The following KLHL4 variants were observed in gnomAD, a reference collection of about 807,000 sequenced individuals.
KLHL4 encodes the protein kelch like family member 4.
A neutral mutation model predicts 45.8 loss-of-function variants in KLHL4; 17 were observed. The ratio of observed to expected loss-of-function variants is 0.37; its 90% CI spans 0.25 to 0.56. KLHL4 has a LOEUF of 0.56. KLHL4 is among the 20% of genes least tolerant of loss of function. KLHL4 has a pLI of 0.79. For synonymous variants in KLHL4, 224 were observed against 189.9 expected (o/e 1.18, Z -1.47); for missense variants, 544 against 544.9 (o/e 1.00, Z 0.02).
chrX:87,656,596 G>A (rs946768106), intron 9 of KLHL4, among the ~76,000 whole-genome samples: 2 of 107,455 alleles, frequency 1.9e-5, no homozygotes, highest in East Asian at 5.9e-4. Context: ...ATCCTGGATT[G>A]GTTTTCTGAT....
chrX:87,596,349 C>T (rs1255752457), intron 1 of KLHL4, among the ~76,000 whole-genome samples: 2 of 111,842 alleles, frequency 1.8e-5, no homozygotes, highest in African/African-American at 6.5e-5. Context: ...GCTGGTTATT[C>T]GTAAATGTAT....
chrX:87,667,729 CT>C lies in KLHL4; in HGVS notation c.*1199del. The C allele has an allele frequency of 1.5e-6, 1 of 688,194 alleles. No homozygotes were observed. The highest frequency in any genetic ancestry group is 2.4e-5 in the African/African-American group (1 of 42,427). 56.7% of individuals were successfully genotyped at this position (688,194 alleles called of 1,213,427 possible). On this transcript the variant is annotated 3_prime_UTR_variant, in exon 11 of 11. Transcript: ENST00000373119. ...ATTGAAAAACCCTTTGTGAAAGTAA[CT>C]TTTCAAGTAAATGCACAACTTTAGA...
At chrX:87,635,033 C>T (rs1258418446) in intron 8 of KLHL4, among the ~76,000 whole-genome samples, 1 of 111,770 alleles carries the variant, frequency 8.9e-6, no homozygotes, top group African/African-American at 3.3e-5. Flanking sequence ...AATGTCATAG[C>T]CAATATCACT....
rs182367514 is a variant in KLHL4 at position 87,633,477 on chromosome X, G to A, written c.1550-272G>A. Among the ~76,000 whole-genome samples the A allele has an allele frequency of 3.6e-5, 4 of 111,306 alleles. No individual in the cohort carries two copies. The Admixed American group carries it at 3.8e-4, about 11-fold the overall frequency. On this transcript the variant is annotated intron_variant, in intron 7 of 10. Coordinates refer to ENST00000373119, the MANE Select transcript of KLHL4 (RefSeq NM_019117.5). ...GCCAGCTTTTTAAATTACATATCTA[G>A]TGTAATTTAAATGGTGCATTCTACT...
intron 1 of KLHL4, among the ~76,000 whole-genome samples, chrX:87,546,493 G>A (rs1157718467): frequency 8.9e-6 from 1 of 112,456 alleles, no homozygotes; most frequent in African/African-American, 3.2e-5. Context: ...GGCTGCTGCA[G>A]GGAGAAAGCC....
At chrX:87,634,955 T>C (rs1923214565) in intron 8 of KLHL4, among the ~76,000 whole-genome samples, 1 of 111,805 alleles carries the variant, frequency 8.9e-6, no homozygotes, top group Non-Finnish European at 1.9e-5. Flanking sequence ...TATTAATACA[T>C]GATAACTTTA....
At chrX:87,543,451 C>T (rs781222730) in intron 1 of KLHL4, among the ~76,000 whole-genome samples, 7 of 111,324 alleles carry the variant, frequency 6.3e-5, no homozygotes, top group Non-Finnish European at 1.1e-4. Flanking sequence ...ATGAAAGAGG[C>T]ACTGAAGGCA....
Position 87,669,589 on chromosome X carries a change from G to T in KLHL4, c.*3055G>T. On this transcript the variant is annotated 3_prime_UTR_variant, in exon 11 of 11. Coordinates refer to ENST00000373119, the MANE Select transcript of KLHL4 (RefSeq NM_019117.5). ...ACAAGACTCCTACCTTGAGATCTTA[G>T]TCTAGGTAAAGAAAAAAAAAAAAAG... 5 of 337,386 alleles carry T rather than the reference G, an allele frequency of 1.5e-5. No homozygotes were observed. Among genetic ancestry groups the T allele is most frequent in the Non-Finnish European group, 2.4e-5 (5 of 209,630 alleles). 27.8% of individuals were successfully genotyped at this position (337,386 alleles called of 1,213,427 possible).
At chrX:87,653,174 C>G (rs1923874516) in intron 9 of KLHL4, among the ~76,000 whole-genome samples, 1 of 111,545 alleles carries the variant, frequency 9.0e-6, no homozygotes, top group Non-Finnish European at 1.9e-5. Flanking sequence ...TGGGTGTGGA[C>G]ATAGCCAAAC....
intron 9 of KLHL4, among the ~76,000 whole-genome samples, chrX:87,641,166 T>C (rs1458443213): frequency 9.0e-6 from 1 of 111,282 alleles, no homozygotes; most frequent in Non-Finnish European, 1.9e-5. Flanking sequence ...CCACAGACCA[T>C]CTGAAGAAAA....
chrX:87,614,142 T>C (rs1922476382), intron 2 of KLHL4, 98 bp downstream of exon 2: 1 of 671,299 alleles, frequency 1.5e-6, no homozygotes, highest in Non-Finnish European at 2.2e-6. Context: ...TGTAAAAATA[T>C]TTATTTTCCT....
At chrX:87,521,505 C>T (rs979367682) in intron 1 of KLHL4, among the ~76,000 whole-genome samples, 1 of 110,809 alleles carries the variant, frequency 9.0e-6, no homozygotes, top group African/African-American at 3.3e-5. Flanking sequence ...AAAAACAAAC[C>T]AAATTATAAT....
At chrX:87,518,719 AG>A (rs1470678325) in intron 1 of KLHL4, among the ~76,000 whole-genome samples, 1 of 111,984 alleles carries the variant, frequency 8.9e-6, no homozygotes, top group Admixed American at 9.6e-5. Context: ...ACAAAATAAA[AG>A]CTGTGACTGA....
chrX:87,532,994 C>T (rs1365894186), intron 1 of KLHL4, among the ~76,000 whole-genome samples: 16 of 106,666 alleles, frequency 1.5e-4, no homozygotes, highest in African/African-American at 5.1e-4. Context: ...CAAATCAAAA[C>T]CACAATGAGA....
rs1190488016 is a variant in KLHL4 at position 87,625,714 on chromosome X, C to T, written c.1242C>T (p.Ser414=). ...MKYHLLPERR[S]MMQSPRTKPR... ...ATCATCTTTTGCCTGAGAGAAGATC[C>T]ATGATGCAAAGCCCTCGGACAAAGC... The change falls in exon 6 of 11, where the codon TCC becomes TCT. Residue 414 remains serine (S), a synonymous_variant. Transcript: ENST00000373119. The T allele has an allele frequency of 4.1e-6, 5 of 1,209,554 alleles. No homozygotes were observed. The highest frequency in any genetic ancestry group is 5.6e-6 in the Non-Finnish European group (5 of 893,958).
chrX:87,662,160 G>A (rs1263979379), intron 9 of KLHL4, among the ~76,000 whole-genome samples: 1 of 111,402 alleles, frequency 9.0e-6, no homozygotes, highest in Non-Finnish European at 1.9e-5. Flanking sequence ...AAAATGACCA[G>A]TGCTAAAATA....
intron 9 of KLHL4, among the ~76,000 whole-genome samples, chrX:87,658,468 C>T (rs1266158047): frequency 9.0e-6 from 1 of 111,465 alleles, no homozygotes; most frequent in East Asian, 2.8e-4. Context: ...TACCCCTTCT[C>T]AAGGTCTCCC....
intron 1 of KLHL4, among the ~76,000 whole-genome samples, chrX:87,539,639 T>C (rs755074472): frequency 1.1e-3 from 125 of 110,805 alleles, no homozygotes; most frequent in Middle Eastern, 4.7e-3. Flanking sequence ...CAACATCTGA[T>C]GAGATACCAA....
At chrX:87,578,081 T>C (rs1393610454) in intron 1 of KLHL4, among the ~76,000 whole-genome samples, 4 of 111,528 alleles carry the variant, frequency 3.6e-5, no homozygotes, top group Non-Finnish European at 7.5e-5. Context: ...GAGATACCTA[T>C]GTACAATACC....
Sources: allele counts gnomAD v4.1 joint callset (sites outside exome capture counted in the v4.1 genomes callset), GRCh38; gene constraint gnomAD v4.1.1; transcripts MANE v1.5; gene names NCBI Gene and HGNC (gene_info 2026-07-23, HGNC 2026-07-21).